GRIA4: variants seen among roughly 807,000 people sequenced by gnomAD.
The protein encoded by GRIA4 is glutamate receptor 4.
GRIA4 carries 34 observed loss-of-function variants against 104.0 expected under a neutral mutation model. The ratio of observed to expected loss-of-function variants is 0.33; its 90% CI spans 0.25 to 0.44. The LOEUF (loss-of-function observed/expected upper bound fraction) is 0.44. Ranked by LOEUF, GRIA4 falls within the 20% of genes least tolerant of loss-of-function variation. The probability of loss-of-function intolerance (pLI) is 1.00; values close to 1 mark genes in which losing one functional copy is unlikely to be tolerated. For missense variants in GRIA4, 750 were observed against 1,096.5 expected, an observed-to-expected ratio of 0.68 and a Z score of 4.46; for synonymous variants, 386 against 381.9, an observed-to-expected ratio of 1.01 and a Z score of -0.13.
intron 7 of GRIA4, among the ~76,000 whole-genome samples, chr11:105,899,473 A>G (rs1946779004): frequency 6.6e-6 from 1 of 152,234 alleles, no homozygotes; most frequent in Non-Finnish European, 1.5e-5. Flanking sequence ...CTATTTGATT[A>G]TATCCAACTA....
intron 5 of GRIA4, among the ~76,000 whole-genome samples, chr11:105,886,861 AG>A (rs1946282713): frequency 6.6e-6 from 1 of 151,972 alleles, no homozygotes; most frequent in South Asian, 2.1e-4. Context: ...TTTTAAAAAA[AG>A]ATGTTTGAGT....
At chr11:105,764,142 T>G (rs1022225340) in intron 4 of GRIA4, among the ~76,000 whole-genome samples, 3 of 152,116 alleles carry the variant, frequency 2.0e-5, no homozygotes, top group Non-Finnish European at 4.4e-5. Flanking sequence ...TTTGTTTTTG[T>G]TTTTTGTTTT....
In GRIA4 at chr11:105,847,391, C is replaced by T. The variant is rs907451779; in HGVS notation, c.488-14633C>T. On this transcript the variant is annotated intron_variant, in intron 4 of 16. Coordinates refer to ENST00000282499, the MANE Select transcript of GRIA4 (RefSeq NM_000829.4). ...GGGACCGGTAGGGGTCTGCAGATCA[C>T]GGGTTGGGGACCTCTGCATTAGAGC... Among the ~76,000 whole-genome samples, 22 of 152,112 alleles carry T rather than the reference C, an allele frequency of 1.4e-4. 1 individual carries two copies. Among genetic ancestry groups the T allele is most frequent in the African/African-American group, 3.6e-4 (15 of 41,420 alleles).
intron 4 of GRIA4, among the ~76,000 whole-genome samples, chr11:105,783,742 ATTTGTGTGTGTG>A (rs1214087574): frequency 8.4e-6 from 1 of 118,790 alleles, no homozygotes; most frequent in Non-Finnish European, 1.8e-5. Context: ...TCTGGATGTT[ATTTGTGTGTGTG>A]TGTGTGTGTG....
intron 14 of GRIA4, among the ~76,000 whole-genome samples, chr11:105,937,684 G>A (rs1948080853): frequency 6.6e-6 from 1 of 152,090 alleles, no homozygotes; most frequent in African/African-American, 2.4e-5. Flanking sequence ...ATTCAACAGT[G>A]ATAATTCTCA....
At chr11:105,728,235 TA>T (rs973025282) in intron 3 of GRIA4, among the ~76,000 whole-genome samples, 1 of 152,168 alleles carries the variant, frequency 6.6e-6, no homozygotes, top group Non-Finnish European at 1.5e-5. Flanking sequence ...TATTCTCTGA[TA>T]AAACATATTT....
chr11:105,667,670 T>C (rs1952210221), intron 3 of GRIA4, among the ~76,000 whole-genome samples: 1 of 151,964 alleles, frequency 6.6e-6, no homozygotes, highest in Non-Finnish European at 1.5e-5. Context: ...TATCTATTCT[T>C]TTTATTCACC....
chr11:105,642,334 A>T (rs3170), intron 3 of GRIA4, among the ~76,000 whole-genome samples: 49,347 of 151,664 alleles, frequency 0.33, 8,591 homozygotes, highest in Admixed American at 0.46. Flanking sequence ...CTTGATTGAA[A>T]TCCCTTATTT....
At chr11:105,776,672 T>C (rs1941464430) in intron 4 of GRIA4, among the ~76,000 whole-genome samples, 1 of 152,110 alleles carries the variant, frequency 6.6e-6, no homozygotes, top group Admixed American at 6.5e-5. Flanking sequence ...TAGATAGAAG[T>C]TCCTTGAACC....
At chr11:105,912,122 AT>A in intron 10 of GRIA4, 2 of 1,078,048 alleles carry the variant, frequency 1.9e-6, no homozygotes, top group Non-Finnish European at 2.3e-6. Flanking sequence ...CAAGAAATAG[AT>A]GTTGACAAAG....
intron 4 of GRIA4, among the ~76,000 whole-genome samples, chr11:105,838,893 C>T (rs1319538320): frequency 6.6e-6 from 1 of 152,170 alleles, no homozygotes; most frequent in Non-Finnish European, 1.5e-5. Context: ...ACTAATGACA[C>T]CCTGAAACCT....
At chr11:105,929,192 G>T (rs574437347) in intron 13 of GRIA4, among the ~76,000 whole-genome samples, 27 of 152,060 alleles carry the variant, frequency 1.8e-4, no homozygotes, top group African/African-American at 6.5e-4. Flanking sequence ...TAAACCATTT[G>T]TCTGATGGGC....
At chr11:105,643,956 T>C (rs1951446646) in intron 3 of GRIA4, among the ~76,000 whole-genome samples, 1 of 152,138 alleles carries the variant, frequency 6.6e-6, no homozygotes, top group African/African-American at 2.4e-5. Flanking sequence ...TGACCTCAGG[T>C]GATCCACCTG....
chr11:105,715,063 A>G (rs548332506), intron 3 of GRIA4, among the ~76,000 whole-genome samples: 1 of 152,294 alleles, frequency 6.6e-6, no homozygotes, highest in Non-Finnish European at 1.5e-5. Flanking sequence ...AAAATCTGAA[A>G]AAAACAGCGA....
In GRIA4 at chr11:105,610,958, GAA is replaced by G. The variant is rs542523055; in HGVS notation, c.-38_-37del. On this transcript the variant is annotated 5_prime_UTR_variant, in exon 2 of 17. Transcript: ENST00000282499. Reference sequence around the variant, plus strand: ...AACAGCCTTTAGGAAGAGTGCGAGAGAAAGAGAGAGAGCGCGCGCCAGGGAGA... The same window carrying G: ...AACAGCCTTTAGGAAGAGTGCGAGAGAGAGAGAGAGCGCGCGCCAGGGAGA... 1.8e-4 allele frequency: 234 copies of G among 1,311,078 alleles called. No homozygotes were observed. The African/African-American group carries it at 3.0e-3, about 17-fold the overall frequency. The allele number at this position is 1,311,078 out of a possible 1,614,324, so 81.2% of individuals were successfully genotyped here. A position where few individuals can be genotyped will look rare whatever the true frequency, so the allele number is the denominator to read the frequency against.
At position 105,971,919 on chromosome 11, in the gene GRIA4, C is replaced by A. The variant is rs746229771; in HGVS notation, c.2300C>A (p.Pro767His). 1.3e-6 allele frequency: 2 copies of A among 1,591,578 alleles called. No homozygotes were observed. Among genetic ancestry groups the A allele is most frequent in the Admixed American group, 3.3e-5 (2 of 59,856 alleles). ...ATGTTATTTTCCACGTGAAGAACTC[C>A]TGTAAACCTTGCCGTTTTGAAACTC... ...ATPKGSSLRT[P>H]VNLAVLKLSE... is the part of the protein sequence containing the mutation. The change falls in exon 15 of 17, where the codon CCT (proline) becomes CAT (histidine). Residue 767 changes from proline to histidine, a missense_variant. Physicochemically the swap from Pro to His is moderately conservative, Grantham distance 77. This residue lies in a region of GRIA4 where 272 missense variants were observed against 524.5 expected (regional missense o/e 0.52). Transcript: ENST00000282499.
chr11:105,829,592 C>T (rs1470127061), intron 4 of GRIA4, among the ~76,000 whole-genome samples: 4 of 151,830 alleles, frequency 2.6e-5, no homozygotes, highest in African/African-American at 9.7e-5. Context: ...AGAGTTAGTC[C>T]TAGTGCCCGA....
intron 3 of GRIA4, among the ~76,000 whole-genome samples, chr11:105,618,434 T>G (rs937952024): frequency 6.6e-6 from 1 of 151,916 alleles, no homozygotes; most frequent in Non-Finnish European, 1.5e-5. Context: ...GAAAAGCACA[T>G]AGATCCAACG....
intron 13 of GRIA4, among the ~76,000 whole-genome samples, chr11:105,930,170 T>C (rs1180082002): frequency 6.6e-6 from 1 of 152,072 alleles, no homozygotes; most frequent in African/African-American, 2.4e-5. Flanking sequence ...AATTTATGAA[T>C]ATTTGCTTGT....
Sources: gnomAD v4.1 joint callset for allele counts (sites outside exome capture counted in the v4.1 genomes callset) on GRCh38, gnomAD v4.1.1 for gene constraint, gnomAD v4.1.1 regional missense constraint, MANE v1.5 for transcripts, NCBI Gene and HGNC (gene_info 2026-07-23, HGNC 2026-07-21) for gene names.